ZNRF1: variants seen among roughly 807,000 people sequenced by gnomAD.
ZNRF1 encodes the protein zinc and ring finger 1, also known as E3 ubiquitin-protein ligase ZNRF1.
Under a neutral mutation model 18.4 loss-of-function variants are expected in ZNRF1, and 3 were observed. The ratio of observed to expected loss-of-function variants is 0.16; its 90% CI spans 0.07 to 0.42. The LOEUF is 0.42. ZNRF1 is among the 10% of genes least tolerant of loss of function. ZNRF1 has a pLI of 0.99. For missense variants in ZNRF1, 310 were observed against 329.8 expected, an observed-to-expected ratio of 0.94 and a Z score of 0.47; for synonymous variants, 157 against 144.2, an observed-to-expected ratio of 1.09 and a Z score of -0.64.
intron 1 of ZNRF1, among the ~76,000 whole-genome samples, chr16:75,061,802 C>A (rs536999029): frequency 6.6e-6 from 1 of 152,198 alleles, no homozygotes; most frequent in Non-Finnish European, 1.5e-5. Context: ...CACAATGAGT[C>A]GTCTTGTCAG....
At chr16:75,086,691 A>G (rs2036078469) in intron 1 of ZNRF1, among the ~76,000 whole-genome samples, 1 of 152,222 alleles carries the variant, frequency 6.6e-6, no homozygotes, top group Non-Finnish European at 1.5e-5. Context: ...ATTGACACTA[A>G]GCACCATGAG....
chr16:75,010,359 A>G (rs1225191129), intron 1 of ZNRF1, among the ~76,000 whole-genome samples: 2 of 152,156 alleles, frequency 1.3e-5, no homozygotes, highest in African/African-American at 2.4e-5. Context: ...ATGATAGCCA[A>G]CACTAGTGAC....
intron 1 of ZNRF1, among the ~76,000 whole-genome samples, chr16:75,062,823 C>T (rs1597888950): frequency 2.6e-5 from 4 of 152,166 alleles, no homozygotes; most frequent in African/African-American, 7.2e-5. Flanking sequence ...TAGCAAGTAC[C>T]CCCTTGCCTT....
intron 1 of ZNRF1, 22 bp from the exon 2 acceptor site, chr16:75,093,550 A>G (rs746231022): frequency 2.5e-6 from 4 of 1,597,030 alleles, no homozygotes; most frequent in Non-Finnish European, 3.4e-6. Flanking sequence ...AAAACATTTC[A>G]TCCCATTCTC....
intron 1 of ZNRF1, among the ~76,000 whole-genome samples, chr16:75,018,973 C>T (rs2035107444): frequency 6.6e-6 from 1 of 152,092 alleles, no homozygotes. Context: ...CAAGACCAGC[C>T]TGGCTAACAT....
chr16:75,003,817 C>T (rs988314847), intron 1 of ZNRF1, among the ~76,000 whole-genome samples: 6 of 152,116 alleles, frequency 3.9e-5, no homozygotes, highest in Non-Finnish European at 7.3e-5. Context: ...ATGTAGAAGA[C>T]GCCTGTCCTG....
intron 1 of ZNRF1, among the ~76,000 whole-genome samples, chr16:75,079,938 C>T (rs560719758): frequency 3.2e-4 from 48 of 152,306 alleles, no homozygotes; most frequent in Middle Eastern, 3.4e-3. Flanking sequence ...TTTTTTGAGA[C>T]GGAGTCTCAC....
Position 75,053,266 on chromosome 16 carries a change from C to CT in ZNRF1, c.425-40305dup, listed in dbSNP as rs1207550252. Among the ~76,000 whole-genome samples, 12 of 152,296 alleles carry CT rather than the reference C, an allele frequency of 7.9e-5. No individual in the cohort carries two copies. The South Asian group carries it at 2.1e-3, about 26-fold the overall frequency. On this transcript the variant is annotated intron_variant, in intron 1 of 4. Coordinates refer to ENST00000335325, the MANE Select transcript of ZNRF1 (RefSeq NM_032268.5). ...AGGGTCAGAAAAGCATTTTTGTTCT[C>CT]TAACTTGAGGACTCCAGCTAAAAAC...
intron 1 of ZNRF1, among the ~76,000 whole-genome samples, chr16:75,014,272 C>T (rs1033767924): frequency 1.3e-5 from 2 of 152,192 alleles, no homozygotes; most frequent in Non-Finnish European, 2.9e-5. Flanking sequence ...CTTTCCCTCT[C>T]CAAAGGGAAC....
At chr16:75,102,053 G>A (rs1425151960) in intron 2 of ZNRF1, among the ~76,000 whole-genome samples, 5 of 152,200 alleles carry the variant, frequency 3.3e-5, no homozygotes, top group Non-Finnish European at 5.9e-5. Context: ...GAAGCTGAGA[G>A]TGACTTCTCT....
chr16:75,066,928 A>T (rs760481864), intron 1 of ZNRF1, among the ~76,000 whole-genome samples: 1 of 151,894 alleles, frequency 6.6e-6, no homozygotes, highest in East Asian at 1.9e-4. Context: ...AATAATCATT[A>T]TCTCTCACAG....
chr16:75,098,024 T>C (rs1375525580), intron 2 of ZNRF1, among the ~76,000 whole-genome samples: 1 of 152,236 alleles, frequency 6.6e-6, no homozygotes, highest in Non-Finnish European at 1.5e-5. Context: ...CCAGCCTTGC[T>C]TGGGGCATTG....
At chr16:75,030,138 T>G (rs1180362790) in intron 1 of ZNRF1, among the ~76,000 whole-genome samples, 1 of 151,940 alleles carries the variant, frequency 6.6e-6, no homozygotes, top group East Asian at 1.9e-4. Flanking sequence ...AGTAAACAGT[T>G]GAATGGTTTT....
intron 2 of ZNRF1, chr16:75,104,567 C>T (rs940706847): frequency 2.3e-6 from 1 of 434,352 alleles, no homozygotes; most frequent in African/African-American, 2.0e-5. Flanking sequence ...AGATTAATCC[C>T]ATTTTGTCTT....
chr16:75,025,360 G>A (rs1356718563), intron 1 of ZNRF1, among the ~76,000 whole-genome samples: 1 of 152,070 alleles, frequency 6.6e-6, no homozygotes, highest in Non-Finnish European at 1.5e-5. Context: ...GAGCCACCAC[G>A]CCTGGCCTAT....
intron 1 of ZNRF1, among the ~76,000 whole-genome samples, chr16:75,000,709 G>A (rs1310033534): frequency 6.6e-6 from 1 of 152,224 alleles, no homozygotes; most frequent in African/African-American, 2.4e-5. Context: ...TCTCGCGGGG[G>A]CTTTGCAGGA....
intron 1 of ZNRF1, among the ~76,000 whole-genome samples, chr16:75,037,878 T>A (rs1443751774): frequency 6.6e-6 from 1 of 152,180 alleles, no homozygotes; most frequent in Non-Finnish European, 1.5e-5. Context: ...ATACAAAATT[T>A]GGGAAGCAAC....
chr16:75,059,635 A>G (rs1246456968), intron 1 of ZNRF1, among the ~76,000 whole-genome samples: 6 of 151,970 alleles, frequency 3.9e-5, no homozygotes, highest in African/African-American at 1.5e-4. Context: ...ACTCCCATCT[A>G]TCTCTTGAAG....
intron 1 of ZNRF1, among the ~76,000 whole-genome samples, chr16:75,076,514 C>T (rs2035942766): frequency 6.6e-6 from 1 of 151,798 alleles, no homozygotes; most frequent in South Asian, 2.1e-4. Context: ...TGCCATTTTC[C>T]TTACAACTTA....
Sources: allele counts gnomAD v4.1 joint callset (sites outside exome capture counted in the v4.1 genomes callset), GRCh38; gene constraint gnomAD v4.1.1; transcripts MANE v1.5; gene names NCBI Gene and HGNC (gene_info 2026-07-23, HGNC 2026-07-21).